The following DPYSL3 variants were observed in gnomAD, a reference collection of about 807,000 sequenced individuals.
DPYSL3 encodes the protein dihydropyrimidinase-related protein 3.
In DPYSL3, 16 loss-of-function variants were observed where a neutral mutation model predicts 66.1. That is an observed-to-expected ratio of 0.24 (90% confidence interval 0.16 to 0.37). DPYSL3 has a LOEUF of 0.37. Ranked by LOEUF, DPYSL3 falls within the 10% of genes least tolerant of loss-of-function variation. DPYSL3 has a pLI of 1.00. For missense variants in DPYSL3, 738 were observed against 916.2 expected, an observed-to-expected ratio of 0.81 and a Z score of 2.51; for synonymous variants, 338 against 345.1, an observed-to-expected ratio of 0.98 and a Z score of 0.23.
intron 1 of DPYSL3, among the ~76,000 whole-genome samples, chr5:147,480,774 G>C (rs1043287009): frequency 6.6e-6 from 1 of 150,448 alleles, no homozygotes; most frequent in Admixed American, 6.6e-5. Flanking sequence ...CCATGCTGGA[G>C]TGCAATGGCG....
intron 1 of DPYSL3, among the ~76,000 whole-genome samples, chr5:147,427,224 C>A (rs1752214374): frequency 1.3e-5 from 2 of 152,200 alleles, no homozygotes; most frequent in South Asian, 4.1e-4. Context: ...TCACCTGCTC[C>A]CACTGCAAGT....
At chr5:147,407,614 C>T (rs75546470) in intron 7 of DPYSL3, among the ~76,000 whole-genome samples, 2,988 of 152,204 alleles carry the variant, frequency 0.02, 97 homozygotes, top group African/African-American at 0.068. Flanking sequence ...TCTTTACCTG[C>T]GCAACAATGC....
chr5:147,408,812 A>C lies in DPYSL3; in HGVS notation c.964-16T>G, dbSNP rs181599575. On this transcript the variant is annotated splice_polypyrimidine_tract_variant and intron_variant, in intron 6 of 13. Transcript: ENST00000343218. ...GGGTTTGCTCCTGAAATGAAAAAAG[A>C]AAATAGTTCTTCAATAAGCTCAAGT... is the stretch of plus-strand genomic sequence containing the variant. The C allele has an allele frequency of 6.2e-7, 1 of 1,614,118 alleles. No individual in the cohort carries two copies. Among genetic ancestry groups the C allele is most frequent in the Non-Finnish European group, 8.5e-7 (1 of 1,179,966 alleles).
intron 1 of DPYSL3, among the ~76,000 whole-genome samples, chr5:147,485,446 C>A (rs983865468): frequency 3.3e-5 from 5 of 152,130 alleles, no homozygotes; most frequent in Non-Finnish European, 5.9e-5. Flanking sequence ...TTTTTAATGG[C>A]TCTAGAGTAC....
chr5:147,430,128 AAG>A (rs950923545), intron 1 of DPYSL3, among the ~76,000 whole-genome samples: 13 of 152,078 alleles, frequency 8.5e-5, no homozygotes, highest in Non-Finnish European at 1.3e-4. Flanking sequence ...AGGAAGTAAA[AAG>A]AGAGAGAGAA....
At chr5:147,395,771 G>T (rs1474364073) in intron 12 of DPYSL3, 50 bp from the exon 13 acceptor site, 1 of 1,604,800 alleles carries the variant, frequency 6.2e-7, no homozygotes, top group Admixed American at 1.7e-5. Flanking sequence ...GCATTTTAGG[G>T]TCTGTTCTAG....
At chr5:147,440,492 T>C (rs1366022956) in intron 1 of DPYSL3, among the ~76,000 whole-genome samples, 1 of 152,228 alleles carries the variant, frequency 6.6e-6, no homozygotes, top group South Asian at 2.1e-4. Flanking sequence ...CTTTAGCAAA[T>C]GCAACCTAGT....
At position 147,401,642 on chromosome 5, in the gene DPYSL3, T is replaced by C; in HGVS notation, c.1208A>G (p.His403Arg). 1 of 1,614,120 alleles carries C rather than the reference T, an allele frequency of 6.2e-7. No individual in the cohort carries two copies. Among genetic ancestry groups the C allele is most frequent in the Non-Finnish European group, 8.5e-7 (1 of 1,180,012 alleles). ...ITASLGIDGTHYWSKNWAKAA... is the reference protein window; with the variant it reads ...ITASLGIDGTRYWSKNWAKAA... ...CTTGGCCCAGTTCTTGCTCCAATAA[T>C]GGGTTCCATCTATGCCGAGGCTGGC... Residue 403 changes from histidine to arginine, a missense_variant, in exon 9 of 14, where the codon CAT becomes CGT. Transcript: ENST00000343218.
At chr5:147,430,248 C>T (rs998733179) in intron 1 of DPYSL3, among the ~76,000 whole-genome samples, 4 of 152,092 alleles carry the variant, frequency 2.6e-5, no homozygotes, top group Admixed American at 1.3e-4. Flanking sequence ...GTAATCCCAG[C>T]ATTTTGGGAG....
At position 147,412,820 on chromosome 5, in the gene DPYSL3, T is replaced by G. The variant is rs542556129; in HGVS notation, c.883-132A>C. On this transcript the variant is annotated intron_variant, in intron 5 of 13. Coordinates refer to ENST00000343218, the MANE Select transcript of DPYSL3 (RefSeq NM_001197294.2). ...AATAAGTCACTAGGGCAGAAATATA[T>G]ATTACATAGGCATGACCAAAGAGGA... The G allele has an allele frequency of 7.9e-6, 6 of 762,976 alleles. No individual in the cohort carries two copies. In the Admixed American group the frequency reaches 1.0e-4, roughly 13 times the overall value. The allele number at this position is 762,976 out of a possible 1,614,324, so 47.3% of individuals were successfully genotyped here. A position where few individuals can be genotyped will look rare whatever the true frequency, so the allele number is the denominator to read the frequency against.
At chr5:147,471,394 A>G (rs887035397) in intron 1 of DPYSL3, among the ~76,000 whole-genome samples, 3 of 152,160 alleles carry the variant, frequency 2.0e-5, no homozygotes, top group Admixed American at 2.0e-4. Context: ...CTGAGGCTAT[A>G]TTGTGATTCT....
chr5:147,412,643 G>C lies in DPYSL3; in HGVS notation c.928C>G (p.Gln310Glu). 6.2e-7 allele frequency: 1 copy of C among 1,613,064 alleles called. No homozygotes were observed. Among genetic ancestry groups the C allele is most frequent in the East Asian group, 2.2e-5 (1 of 44,850 alleles). The change falls in exon 6 of 14, where the codon CAA becomes GAA. Residue 310 changes from glutamine to glutamate, a missense_variant. By Grantham distance (29) the Gln-to-Glu change is conservative. Coordinates refer to ENST00000343218, the MANE Select transcript of DPYSL3 (RefSeq NM_001197294.2). ...ATATCCCCATTCTCAGCATGAACTTGAGCAATGGCCCCCAGCTCTCCCAGG... is the reference window on the plus strand; with the variant it reads ...ATATCCCCATTCTCAGCATGAACTTCAGCAATGGCCCCCAGCTCTCCCAGG... ...TCLGELGAIA[Q>E]VHAENGDIIA... is the part of the protein sequence containing the mutation.
intron 1 of DPYSL3, among the ~76,000 whole-genome samples, chr5:147,461,131 T>C (rs1478916956): frequency 1.3e-5 from 2 of 152,174 alleles, no homozygotes; most frequent in Non-Finnish European, 2.9e-5. Context: ...AGAAAAGGGC[T>C]ACAAGGGAGC....
At chr5:147,453,255 G>A (rs1752771946) in intron 1 of DPYSL3, among the ~76,000 whole-genome samples, 1 of 152,248 alleles carries the variant, frequency 6.6e-6, no homozygotes, top group African/African-American at 2.4e-5. Flanking sequence ...GGAGAGCCGC[G>A]AGCCCCGCGC....
At chr5:147,406,648 T>C (rs758411533) in intron 7 of DPYSL3, among the ~76,000 whole-genome samples, 15 of 152,170 alleles carry the variant, frequency 9.9e-5, no homozygotes, top group African/African-American at 3.6e-4. Flanking sequence ...TTCTAACCAG[T>C]TGAGGGTCTG....
chr5:147,421,865 G>A (rs927463548), intron 2 of DPYSL3, among the ~76,000 whole-genome samples: 5 of 152,046 alleles, frequency 3.3e-5, no homozygotes, highest in Non-Finnish European at 2.9e-5. Context: ...AACTCAAGAT[G>A]GATTAAAGAC....
chr5:147,438,515 C>T (rs912079041), intron 1 of DPYSL3, among the ~76,000 whole-genome samples: 1 of 152,198 alleles, frequency 6.6e-6, no homozygotes, highest in African/African-American at 2.4e-5. Flanking sequence ...TTCAAGACCG[C>T]TTACTATCGG....
chr5:147,489,827 G>A (rs1040471123), intron 1 of DPYSL3, among the ~76,000 whole-genome samples: 1 of 151,872 alleles, frequency 6.6e-6, no homozygotes, highest in South Asian at 2.1e-4. Flanking sequence ...AAAGGAGGGT[G>A]AGGGCTGAAA....
intron 3 of DPYSL3, among the ~76,000 whole-genome samples, chr5:147,416,669 A>T (rs1029699770): frequency 7.9e-5 from 12 of 152,090 alleles, no homozygotes; most frequent in Non-Finnish European, 1.8e-4. Context: ...TACATAAAAA[A>T]CCCGGACATT....
Sources: allele counts gnomAD v4.1 joint callset (sites outside exome capture counted in the v4.1 genomes callset), GRCh38; gene constraint gnomAD v4.1.1; transcripts MANE v1.5; gene names NCBI Gene and HGNC (gene_info 2026-07-23, HGNC 2026-07-21).